KCNH8: variants seen among roughly 807,000 people sequenced by gnomAD.
KCNH8 encodes the protein voltage-gated delayed rectifier potassium channel KCNH8.
A neutral mutation model predicts 103.6 loss-of-function variants in KCNH8; 70 were observed. That is an observed-to-expected ratio of 0.68 (90% CI 0.56 to 0.82). KCNH8 has a LOEUF of 0.82. KCNH8 is among the 40% of genes least tolerant of loss of function. KCNH8 has a pLI of 0.00. For missense variants in KCNH8, 1,217 were observed against 1,329.9 expected (o/e 0.92, Z 1.32); for synonymous variants, 498 against 489.4 (o/e 1.02, Z -0.23).
chr3:19,358,180 C>T, intron 5 of KCNH8, among the ~76,000 whole-genome samples: 1 of 149,992 alleles, frequency 6.7e-6, no homozygotes, highest in Non-Finnish European at 1.5e-5. Context: ...TTTCTTCCTT[C>T]CTTCCTTCCT....
At chr3:19,384,448 A>G (rs77979160) in intron 5 of KCNH8, among the ~76,000 whole-genome samples, 8,581 of 152,240 alleles carry the variant, frequency 0.056, 460 homozygotes, top group East Asian at 0.23. Flanking sequence ...TCCAATAAGA[A>G]CCCAAGCAGT....
intron 5 of KCNH8, among the ~76,000 whole-genome samples, chr3:19,363,895 TA>T (rs1227503212): frequency 2.0e-5 from 3 of 152,150 alleles, no homozygotes; most frequent in African/African-American, 7.2e-5. Flanking sequence ...TGGCTAAAAT[TA>T]AAGATACTGA....
At chr3:19,515,500 T>C in intron 14 of KCNH8, 72 bp downstream of exon 14, 1 of 66,408 alleles carries the variant, frequency 1.5e-5, no homozygotes, top group South Asian at 3.5e-4. Flanking sequence ...TTATGGGCAT[T>C]TTTTTTTTTT....
intron 1 of KCNH8, among the ~76,000 whole-genome samples, chr3:19,250,216 G>A (rs1443209232): frequency 6.6e-6 from 1 of 151,860 alleles, no homozygotes; most frequent in Non-Finnish European, 1.5e-5. Context: ...AGCGAGCTGT[G>A]ATTGTGTCAC....
At chr3:19,276,919 C>T (rs147263489) in intron 2 of KCNH8, among the ~76,000 whole-genome samples, 165 of 152,180 alleles carry the variant, frequency 1.1e-3, no homozygotes, top group Admixed American at 2.2e-3. Context: ...GTATTTATTG[C>T]AGCACTATTC....
intron 1 of KCNH8, among the ~76,000 whole-genome samples, chr3:19,216,219 T>A (rs2063816263): frequency 6.6e-6 from 1 of 152,210 alleles, no homozygotes. Context: ...GTGGAATTGA[T>A]TCTCTCCATT....
intron 11 of KCNH8, among the ~76,000 whole-genome samples, chr3:19,480,563 G>A (rs1006997330): frequency 2.0e-5 from 3 of 152,172 alleles, no homozygotes; most frequent in Non-Finnish European, 2.9e-5. Flanking sequence ...AGTCAGGTAT[G>A]AGCCTATGAG....
Position 19,534,116 on chromosome 3 carries a change from G to A in KCNH8, c.*17G>A. 1.3e-6 allele frequency: 2 copies of A among 1,576,080 alleles called. No individual in the cohort carries two copies. The highest frequency in any genetic ancestry group is 2.2e-5 in the East Asian group (1 of 44,534). ...AATGTATGATATTAGTGCCCATGAT[G>A]CAGCAGCTAATTTCAAACCTACCAC... On this transcript the variant is annotated 3_prime_UTR_variant, in exon 16 of 16. Transcript: ENST00000328405.
intron 2 of KCNH8, 87 bp from the exon 3 acceptor site, chr3:19,281,111 G>T: frequency 7.2e-7 from 1 of 1,397,858 alleles, no homozygotes; most frequent in East Asian, 2.3e-5. Flanking sequence ...AACACTAAGG[G>T]CTTTATTTTT....
intron 11 of KCNH8, among the ~76,000 whole-genome samples, chr3:19,463,022 TTTC>T (rs995135313): frequency 1.6e-4 from 24 of 152,210 alleles, no homozygotes; most frequent in African/African-American, 5.5e-4. Context: ...ACACACGTTT[TTTC>T]TTATCATAAC....
At chr3:19,422,246 G>C (rs368239359) in intron 7 of KCNH8, among the ~76,000 whole-genome samples, 2 of 151,962 alleles carry the variant, frequency 1.3e-5, no homozygotes, top group East Asian at 3.8e-4. Flanking sequence ...TTTAACATTT[G>C]AATTTCCCAA....
intron 7 of KCNH8, among the ~76,000 whole-genome samples, chr3:19,404,138 T>G (rs755488618): frequency 2.6e-5 from 4 of 152,078 alleles, no homozygotes; most frequent in African/African-American, 9.6e-5. Flanking sequence ...TCATTTCACC[T>G]GCTCTTCACT....
chr3:19,343,924 C>G (rs2065694928), intron 4 of KCNH8, among the ~76,000 whole-genome samples: 1 of 151,472 alleles, frequency 6.6e-6, no homozygotes, highest in South Asian at 2.1e-4. Flanking sequence ...ATCATTTGTC[C>G]TCCAAGGACC....
chr3:19,378,561 C>T (rs934986894), intron 5 of KCNH8, among the ~76,000 whole-genome samples: 1 of 152,200 alleles, frequency 6.6e-6, no homozygotes, highest in African/African-American at 2.4e-5. Flanking sequence ...TTCTTTGTTT[C>T]TCCCACAGAG....
intron 1 of KCNH8, among the ~76,000 whole-genome samples, chr3:19,156,573 C>A (rs2063182828): frequency 6.6e-6 from 1 of 152,136 alleles, no homozygotes; most frequent in African/African-American, 2.4e-5. Context: ...CTACTAAATG[C>A]ATTCACTGTG....
intron 6 of KCNH8, among the ~76,000 whole-genome samples, chr3:19,391,303 T>C (rs1197950787): frequency 1.3e-5 from 2 of 152,116 alleles, no homozygotes; most frequent in South Asian, 4.1e-4. Context: ...ATATCACTTG[T>C]AGTAGCAGCC....
At chr3:19,345,795 CA>C (rs1213128613) in intron 4 of KCNH8, among the ~76,000 whole-genome samples, 2 of 151,936 alleles carry the variant, frequency 1.3e-5, no homozygotes, top group South Asian at 4.1e-4. Flanking sequence ...AATCTAATCT[CA>C]AATGTATTGA....
At chr3:19,463,754 T>G (rs1008585147) in intron 11 of KCNH8, among the ~76,000 whole-genome samples, 1 of 152,080 alleles carries the variant, frequency 6.6e-6, no homozygotes, top group African/African-American at 2.4e-5. Flanking sequence ...TCCAAAAATT[T>G]TACATACAGG....
chr3:19,155,798 C>G (rs1194077773), intron 1 of KCNH8, among the ~76,000 whole-genome samples: 1 of 152,228 alleles, frequency 6.6e-6, no homozygotes, highest in East Asian at 1.9e-4. Context: ...TATACTTCCA[C>G]ATGGCCTTGC....
Sources: gnomAD v4.1 joint callset for allele counts (sites outside exome capture counted in the v4.1 genomes callset) on GRCh38, gnomAD v4.1.1 for gene constraint, MANE v1.5 for transcripts, NCBI Gene and HGNC (gene_info 2026-07-23, HGNC 2026-07-21) for gene names.